The following ANK2 variants were observed in gnomAD, a reference collection of about 807,000 sequenced individuals.
ANK2 encodes ankyrin 2.
A neutral mutation model predicts 360.5 loss-of-function variants in ANK2; 83 were observed. That is an observed-to-expected ratio of 0.23 (90% confidence interval 0.19 to 0.28). The LOEUF is 0.28. Among genes scored for constraint, ANK2 ranks in the 10% least tolerant of loss-of-function variants. ANK2 has a pLI of 1.00. For missense variants in ANK2, 4,201 were observed against 4,795.7 expected (o/e 0.88, Z 3.66); for synonymous variants, 1,740 against 1,759.5 (o/e 0.99, Z 0.28).
chr4:112,981,794 G>A (rs1159835737), intron 2 of ANK2, among the ~76,000 whole-genome samples: 1 of 152,212 alleles, frequency 6.6e-6, no homozygotes, highest in Non-Finnish European at 1.5e-5. Context: ...CTGGAGATAG[G>A]AATTTGGAAT....
upstream of ANK2, among the ~76,000 whole-genome samples, chr4:113,047,675 G>GTT (rs1466271597): frequency 1.0e-3 from 50 of 48,682 alleles, no homozygotes; most frequent in African/African-American, 3.4e-3. Context: ...TTGGGGTTTT[G>GTT]TTTTAAAAAA....
chr4:113,009,402 A>C (rs1695708618), intron 2 of ANK2, among the ~76,000 whole-genome samples: 1 of 152,144 alleles, frequency 6.6e-6, no homozygotes, highest in Non-Finnish European at 1.5e-5. Context: ...AAATACTTTT[A>C]AATTTATGGC....
At chr4:112,779,524 AAAG>A in the ANK2 span, among the ~76,000 whole-genome samples, 1 of 152,186 alleles carries the variant, frequency 6.6e-6, no homozygotes, top group African/African-American at 2.4e-5. Context: ...GTCTCTAAAA[AAAG>A]AAAAAAAAAG....
Position 113,240,511 on chromosome 4 carries a change from T to C in ANK2, c.720T>C (p.Ala240=). Residue 240 remains alanine (A), a synonymous_variant, in exon 8 of 46, where the codon GCT becomes GCC. Coordinates refer to ENST00000357077, the MANE Select transcript of ANK2 (RefSeq NM_001148.6). The part of the protein sequence containing the change: ...TESGFTPLHI[A]AHYGNVNVAT... ...GTGGTTTTACCCCTTTGCACATAGCTGCACATTACGGAAATGTCAACGTGG... is the reference window on the plus strand; with the variant it reads ...GTGGTTTTACCCCTTTGCACATAGCCGCACATTACGGAAATGTCAACGTGG... 6.2e-7 allele frequency: 1 copy of C among 1,613,994 alleles called. No homozygotes were observed. Among genetic ancestry groups the C allele is most frequent in the East Asian group, 2.2e-5 (1 of 44,854 alleles).
At chr4:113,348,212 C>T in intron 35 of ANK2, 64 bp from the exon 36 acceptor site, 1 of 1,537,876 alleles carries the variant, frequency 6.5e-7, no homozygotes, top group Non-Finnish European at 9.0e-7. Flanking sequence ...TCCTTTTCTT[C>T]TAAATACTCT....
At chr4:113,311,480 C>T in intron 24 of ANK2, 81 bp downstream of exon 24, 1 of 1,533,774 alleles carries the variant, frequency 6.5e-7, no homozygotes, top group Non-Finnish European at 8.9e-7. Flanking sequence ...AATGTAGATG[C>T]AATTATTGAG....
intron 1 of ANK2, among the ~76,000 whole-genome samples, chr4:112,859,423 C>T (rs765037078): frequency 6.6e-6 from 1 of 152,146 alleles, no homozygotes; most frequent in Non-Finnish European, 1.5e-5. Flanking sequence ...CCAAAACCTC[C>T]TTCTGGATTT....
chr4:113,355,174 G>T lies in ANK2; in HGVS notation c.6556G>T (p.Glu2186Ter). 1 of 1,614,122 alleles carries T rather than the reference G, an allele frequency of 6.2e-7. No individual in the cohort carries two copies. The highest frequency in any genetic ancestry group is 8.5e-7 in the Non-Finnish European group (1 of 1,179,984). The change falls in exon 38 of 46, where the codon GAG (glutamate) becomes TAG (stop). Residue 2186 changes from glutamate (E) to a stop codon, truncating the protein, a stop_gained. Coordinates refer to ENST00000357077, the MANE Select transcript of ANK2 (RefSeq NM_001148.6). LOFTEE classifies it high-confidence loss of function. ...ATTTCCACTCGACTACATGAAAGAT[G>T]AGTTCCTTCCAGCTCTGTCTTTACA... ...TTFPLDYMKD[E>*]FLPALSLQSG... is the part of the protein sequence containing the mutation.
chr4:113,008,104 T>G (rs1285035297), intron 2 of ANK2, among the ~76,000 whole-genome samples: 1 of 105,816 alleles, frequency 9.5e-6, no homozygotes, highest in Admixed American at 1.1e-4. Context: ...CTTATTAAGC[T>G]TTTCCTTTTT....
At chr4:112,810,197 T>C in the ANK2 span, among the ~76,000 whole-genome samples, 1 of 139,652 alleles carries the variant, frequency 7.2e-6, no homozygotes, top group African/African-American at 2.6e-5. Context: ...CAATGGGGTT[T>C]CACCATGTTG....
chr4:113,158,956 G>A (rs745897980), intron 1 of ANK2, among the ~76,000 whole-genome samples: 14 of 152,032 alleles, frequency 9.2e-5, no homozygotes, highest in East Asian at 1.9e-4. Context: ...TAAAGCTAGC[G>A]TAATTTGTAT....
chr4:113,307,695 G>A (rs2077912127), intron 23 of ANK2, among the ~76,000 whole-genome samples: 1 of 152,090 alleles, frequency 6.6e-6, no homozygotes, highest in Non-Finnish European at 1.5e-5. Flanking sequence ...GAGTCACCAC[G>A]CCCGGCCGCC....
At chr4:113,053,683 C>T (rs2068193610) in intron 1 of ANK2, among the ~76,000 whole-genome samples, 1 of 152,104 alleles carries the variant, frequency 6.6e-6, no homozygotes, top group African/African-American at 2.4e-5. Flanking sequence ...AGCATCAACC[C>T]ACCTGGCTCA....
chr4:112,841,426 AG>A (rs11348003), intron 1 of ANK2, among the ~76,000 whole-genome samples: 61,631 of 152,016 alleles, frequency 0.41, 12,729 homozygotes, highest in South Asian at 0.44. Flanking sequence ...AGCTTCCAAC[AG>A]GGAGAGTTAT....
rs144466117 is a variant in ANK2 at position 113,358,299 on chromosome 4, C to A, written c.9681C>A (p.Thr3227=). Residue 3227 remains threonine, a synonymous_variant, in exon 38 of 46, where the codon ACC becomes ACA. Transcript: ENST00000357077. ...GTGTAGGGACCAAGGACCTCCCCAC[C>A]GTGCAAACGGGTGATATACCTCCTC... ...AVSVGTKDLP[T]VQTGDIPPLS... 6.2e-7 allele frequency: 1 copy of A among 1,613,290 alleles called. No homozygotes were observed. Among genetic ancestry groups the A allele is most frequent in the Non-Finnish European group, 8.5e-7 (1 of 1,179,562 alleles).
At chr4:112,933,826 C>T (rs897084600) in intron 2 of ANK2, among the ~76,000 whole-genome samples, 4 of 151,880 alleles carry the variant, frequency 2.6e-5, no homozygotes, top group Non-Finnish European at 5.9e-5. Flanking sequence ...TATGAAAGAA[C>T]TCTGAAAAAA....
intron 1 of ANK2, among the ~76,000 whole-genome samples, chr4:112,848,555 A>T (rs2063878743): frequency 6.6e-6 from 1 of 152,150 alleles, no homozygotes; most frequent in Non-Finnish European, 1.5e-5. Context: ...CTCAAACGTC[A>T]CTTCTACTCT....
At chr4:113,058,454 G>T (rs376427047) in intron 1 of ANK2, among the ~76,000 whole-genome samples, 2 of 151,994 alleles carry the variant, frequency 1.3e-5, no homozygotes, top group African/African-American at 4.8e-5. Context: ...GCCCAGTTTA[G>T]GTGGGAGGTA....
chr4:112,997,362 C>T (rs1414797884), intron 2 of ANK2, among the ~76,000 whole-genome samples: 1 of 152,116 alleles, frequency 6.6e-6, no homozygotes, highest in African/African-American at 2.4e-5. Flanking sequence ...TGTGAAATTT[C>T]TGACTGACCA....
Sources: gnomAD v4.1 joint callset for allele counts (sites outside exome capture counted in the v4.1 genomes callset) on GRCh38, gnomAD v4.1.1 for gene constraint, MANE v1.5 for transcripts, NCBI Gene and HGNC (gene_info 2026-07-23, HGNC 2026-07-21) for gene names.